Variants in AGO3 observed in about 807,000 individuals in gnomAD.
AGO3 encodes argonaute RISC catalytic component 3.
A neutral mutation model predicts 105.5 loss-of-function variants in AGO3; 16 were observed. That is an observed-to-expected ratio of 0.15 (90% CI 0.10 to 0.23). The LOEUF (loss-of-function observed/expected upper bound fraction) is 0.23, where lower values mean the gene tolerates loss of function less well. Among genes scored for constraint, AGO3 ranks in the 10% least tolerant of loss-of-function variants. The probability of loss-of-function intolerance (pLI) is 1.00; values close to 1 mark genes in which losing one functional copy is unlikely to be tolerated. For synonymous variants in AGO3, 340 were observed against 367.3 expected (o/e 0.93, Z 0.85); for missense variants, 534 against 1,088.0 (o/e 0.49, Z 7.16).
rs112452863 is a variant in AGO3, at chr1:35,943,867, C to A, written c.20-1825C>A. ...CTGCCCACCTCGGCCTCCCAAAGTG[C>A]TGGGATTACAGGTGTGAGCCACCAT... On this transcript the variant is annotated intron_variant, in intron 1 of 18. Coordinates refer to ENST00000373191, the MANE Select transcript of AGO3 (RefSeq NM_024852.4). 1.4e-3 allele frequency among the ~76,000 whole-genome samples: 210 copies of A among 152,264 alleles called. 2 individuals are homozygous for A. The highest frequency in any genetic ancestry group is 4.6e-3 in the African/African-American group (191 of 41,554).
intron 11 of AGO3, among the ~76,000 whole-genome samples, chr1:36,023,040 A>G (rs1254282232): frequency 6.6e-6 from 1 of 152,238 alleles, no homozygotes; most frequent in Non-Finnish European, 1.5e-5. Context: ...TTTGCCATTA[A>G]CTGCCAGTTT....
chr1:35,948,209 G>T (rs896635091), intron 2 of AGO3, among the ~76,000 whole-genome samples: 1 of 151,008 alleles, frequency 6.6e-6, no homozygotes, highest in African/African-American at 2.4e-5. Context: ...TAAGTAAAAG[G>T]AACAGAATTT....
chr1:36,028,660 G>T (rs1229002329), intron 12 of AGO3, among the ~76,000 whole-genome samples: 2 of 151,506 alleles, frequency 1.3e-5, no homozygotes, highest in Non-Finnish European at 2.9e-5. Flanking sequence ...GGACATTTGG[G>T]TTGGTTCCAA....
At chr1:35,978,747 G>A (rs1256644023) in intron 5 of AGO3, among the ~76,000 whole-genome samples, 2 of 152,030 alleles carry the variant, frequency 1.3e-5, no homozygotes, top group Non-Finnish European at 2.9e-5. Flanking sequence ...CTGACAATGG[G>A]AATTATTCTT....
chr1:35,997,064 G>A (rs1269977751), intron 5 of AGO3, among the ~76,000 whole-genome samples: 1 of 152,062 alleles, frequency 6.6e-6, no homozygotes, highest in Non-Finnish European at 1.5e-5. Flanking sequence ...GATCGCTTGA[G>A]GTCAGGAGTT....
chr1:35,945,468 T>C (rs937642035), intron 1 of AGO3, among the ~76,000 whole-genome samples: 2 of 152,214 alleles, frequency 1.3e-5, no homozygotes, highest in African/African-American at 4.8e-5. Context: ...CTCTCTGCCC[T>C]TTCCAGAACA....
intron 15 of AGO3, 93 bp from the exon 16 acceptor site, chr1:36,040,214 T>G (rs1642189213): frequency 3.6e-6 from 5 of 1,398,758 alleles, no homozygotes; most frequent in Admixed American, 4.6e-5. Context: ...GTGGTGAAAT[T>G]AAGGAATCCT....
At chr1:36,042,651 ATG>A (rs1642298109) in intron 16 of AGO3, among the ~76,000 whole-genome samples, 1 of 152,162 alleles carries the variant, frequency 6.6e-6, no homozygotes. Context: ...ATGATTTTAA[ATG>A]TGTTGGGATA....
intron 3 of AGO3, 94 bp downstream of exon 3, chr1:35,967,169 G>A: frequency 7.2e-7 from 1 of 1,386,534 alleles, no homozygotes; most frequent in Non-Finnish European, 9.6e-7. Context: ...CCATATATAT[G>A]TGAATATTTA....
intron 3 of AGO3, 117 bp downstream of exon 3, chr1:35,967,192 T>C: frequency 7.6e-7 from 1 of 1,318,110 alleles, no homozygotes; most frequent in South Asian, 1.9e-5. Flanking sequence ...ACTGATTGTT[T>C]TTAACTTTTT....
At chr1:35,954,448 A>G (rs1403405586) in intron 2 of AGO3, among the ~76,000 whole-genome samples, 1 of 152,212 alleles carries the variant, frequency 6.6e-6, no homozygotes, top group Non-Finnish European at 1.5e-5. Context: ...CTATTATATG[A>G]ATGTACCTTG....
intron 11 of AGO3, among the ~76,000 whole-genome samples, chr1:36,017,355 C>T (rs370030089): frequency 1.8e-4 from 27 of 152,292 alleles, no homozygotes; most frequent in East Asian, 3.9e-4. Context: ...TAATCCCCTA[C>T]GACTGAATCT....
intron 12 of AGO3, among the ~76,000 whole-genome samples, chr1:36,030,936 ACTT>A (rs1166425593): frequency 1.3e-5 from 2 of 152,210 alleles, no homozygotes; most frequent in African/African-American, 4.8e-5. Flanking sequence ...ACATTATACC[ACTT>A]CTTAGATAGT....
At chr1:36,044,497 C>G (rs540181132) in intron 17 of AGO3, among the ~76,000 whole-genome samples, 1 of 152,112 alleles carries the variant, frequency 6.6e-6, no homozygotes, top group South Asian at 2.1e-4. Flanking sequence ...GATCTCGGCT[C>G]ACTGCAAGCT....
At chr1:35,962,118 T>C (rs1275041737) in intron 2 of AGO3, among the ~76,000 whole-genome samples, 1 of 152,218 alleles carries the variant, frequency 6.6e-6, no homozygotes, top group African/African-American at 2.4e-5. Context: ...TTACTATATG[T>C]AGGGCACTAG....
intron 2 of AGO3, among the ~76,000 whole-genome samples, chr1:35,954,801 G>A (rs1646534973): frequency 6.6e-6 from 1 of 152,240 alleles, no homozygotes; most frequent in African/African-American, 2.4e-5. Flanking sequence ...TAAGGAGGAG[G>A]ATGTGGTGTA....
chr1:35,976,490 T>TA (rs1428207610), intron 5 of AGO3, among the ~76,000 whole-genome samples: 6 of 152,200 alleles, frequency 3.9e-5, no homozygotes, highest in Non-Finnish European at 8.8e-5. Flanking sequence ...TAATTTTTTT[T>TA]ATCAGATTAT....
intron 5 of AGO3, among the ~76,000 whole-genome samples, chr1:35,984,079 T>G (rs539591990): frequency 1.3e-4 from 20 of 152,012 alleles, no homozygotes; most frequent in African/African-American, 4.8e-4. Context: ...ATACTAGCAT[T>G]TAAGAAAAAA....
chr1:35,936,227 TA>T (rs1251742341), intron 1 of AGO3, among the ~76,000 whole-genome samples: 1 of 152,132 alleles, frequency 6.6e-6, no homozygotes, highest in African/African-American at 2.4e-5. Context: ...GTGTTAATAT[TA>T]ATGACTTTCT....
Sources: gnomAD v4.1 joint callset for allele counts (sites outside exome capture counted in the v4.1 genomes callset) on GRCh38, gnomAD v4.1.1 for gene constraint, MANE v1.5 for transcripts, NCBI Gene and HGNC (gene_info 2026-07-23, HGNC 2026-07-21) for gene names.